Variants in SH3BGRL observed in about 807,000 individuals in gnomAD.
SH3BGRL encodes SH3 domain binding glutamate rich protein like.
SH3BGRL carries 7 observed loss-of-function variants against 9.8 expected under a neutral mutation model. That is an observed-to-expected ratio of 0.72 (90% CI 0.41 to 1.35). SH3BGRL has a LOEUF of 1.35. Among genes scored for constraint, SH3BGRL ranks in the 40% most tolerant of loss-of-function variants. The pLI is 0.01. For missense variants in SH3BGRL, 73 were observed against 84.4 expected, an observed-to-expected ratio of 0.86 and a Z score of 0.53; for synonymous variants, 36 against 29.1, an observed-to-expected ratio of 1.24 and a Z score of -0.76.
chrX:81,207,216 A>G (rs1784702067), intron 1 of SH3BGRL, among the ~76,000 whole-genome samples: 2 of 112,141 alleles, frequency 1.8e-5, no homozygotes, highest in Non-Finnish European at 3.8e-5. Flanking sequence ...CATGGCATCT[A>G]TGCATTCTAT....
At chrX:81,236,900 GGAGAGA>G (rs3051997) in intron 1 of SH3BGRL, among the ~76,000 whole-genome samples, 15 of 97,385 alleles carry the variant, frequency 1.5e-4, no homozygotes, top group African/African-American at 3.0e-4. Flanking sequence ...AGAGGCTGAG[GGAGAGA>G]GAGAGAGAGA....
intron 3 of SH3BGRL, among the ~76,000 whole-genome samples, chrX:81,292,251 G>A (rs766294881): frequency 1.9e-4 from 21 of 112,029 alleles, no homozygotes; most frequent in African/African-American, 6.8e-4. Flanking sequence ...AATCTAGGCC[G>A]TGACTCCCAA....
chrX:81,248,325 A>G (rs917287187), intron 1 of SH3BGRL, among the ~76,000 whole-genome samples: 4 of 112,078 alleles, frequency 3.6e-5, no homozygotes, highest in Non-Finnish European at 7.5e-5. Context: ...AGCTAGGTAT[A>G]TACTCGATTT....
At chrX:81,265,958 C>A (rs986502557) in intron 1 of SH3BGRL, among the ~76,000 whole-genome samples, 1 of 112,353 alleles carries the variant, frequency 8.9e-6, no homozygotes, top group Non-Finnish European at 1.9e-5. Context: ...TGATGATGAA[C>A]ATTTTTTCAT....
At chrX:81,275,993 T>C (rs1255574620) in intron 1 of SH3BGRL, among the ~76,000 whole-genome samples, 2 of 111,224 alleles carry the variant, frequency 1.8e-5, no homozygotes, top group African/African-American at 3.3e-5. Context: ...GGCAGACAGA[T>C]TTATTTTATT....
intron 1 of SH3BGRL, among the ~76,000 whole-genome samples, chrX:81,247,327 G>C (rs1187823952): frequency 9.0e-6 from 1 of 111,730 alleles, no homozygotes; most frequent in Admixed American, 9.5e-5. Flanking sequence ...CTCTGGCCAG[G>C]ACTTCCAGTA....
intron 1 of SH3BGRL, among the ~76,000 whole-genome samples, chrX:81,231,905 T>A (rs1344607703): frequency 2.7e-5 from 3 of 112,002 alleles, no homozygotes; most frequent in African/African-American, 9.7e-5. Flanking sequence ...TAGTAGATGC[T>A]GAATATATAT....
chrX:81,238,182 C>A (rs1239652892), intron 1 of SH3BGRL, among the ~76,000 whole-genome samples: 1 of 110,299 alleles, frequency 9.1e-6, no homozygotes, highest in Non-Finnish European at 1.9e-5. Context: ...GAGCATCAGG[C>A]AAGCTCTTGG....
intron 1 of SH3BGRL, among the ~76,000 whole-genome samples, chrX:81,215,910 T>C (rs1009508760): frequency 2.7e-5 from 3 of 111,840 alleles, no homozygotes; most frequent in African/African-American, 9.7e-5. Flanking sequence ...TAAAGCCAAA[T>C]GTTGCAGTCA....
At chrX:81,206,307 T>G (rs1422433423) in intron 1 of SH3BGRL, among the ~76,000 whole-genome samples, 1 of 111,799 alleles carries the variant, frequency 8.9e-6, no homozygotes, top group African/African-American at 3.3e-5. Flanking sequence ...GTAATGGACT[T>G]CTTGATGGTA....
intron 1 of SH3BGRL, among the ~76,000 whole-genome samples, chrX:81,245,333 C>T (rs2075684990): frequency 9.0e-6 from 1 of 111,669 alleles, no homozygotes; most frequent in African/African-American, 3.3e-5. Context: ...GACTCTGTTA[C>T]CTAGTAGCAA....
chrX:81,229,798 A>T (rs2075627569), intron 1 of SH3BGRL, among the ~76,000 whole-genome samples: 1 of 111,454 alleles, frequency 9.0e-6, no homozygotes, highest in Non-Finnish European at 1.9e-5. Context: ...TGGGCACAGG[A>T]TGGGGGCATG....
intron 1 of SH3BGRL, among the ~76,000 whole-genome samples, chrX:81,248,488 G>A (rs1446125358): frequency 8.9e-6 from 1 of 112,218 alleles, no homozygotes; most frequent in Non-Finnish European, 1.9e-5. Flanking sequence ...GACAGCTGCT[G>A]TAGCAGCTCT....
chrX:81,266,770 G>A (rs2075758451), intron 1 of SH3BGRL, among the ~76,000 whole-genome samples: 1 of 112,147 alleles, frequency 8.9e-6, no homozygotes, highest in Non-Finnish European at 1.9e-5. Flanking sequence ...GATGGGGATA[G>A]CATTGAATCT....
chrX:81,227,593 T>TA (rs1379004959), intron 1 of SH3BGRL, among the ~76,000 whole-genome samples: 1 of 112,091 alleles, frequency 8.9e-6, no homozygotes, highest in Non-Finnish European at 1.9e-5. Context: ...CTTATGTTTT[T>TA]ACATTTGCTT....
At chrX:81,251,702 C>T (rs1033238804) in intron 1 of SH3BGRL, among the ~76,000 whole-genome samples, 2 of 111,465 alleles carry the variant, frequency 1.8e-5, no homozygotes, top group Non-Finnish European at 3.8e-5. Flanking sequence ...TTTTAATGTC[C>T]CACTAAACTT....
chrX:81,246,906 G>A (rs981718316), intron 1 of SH3BGRL, among the ~76,000 whole-genome samples: 1 of 111,738 alleles, frequency 8.9e-6, no homozygotes, highest in Non-Finnish European at 1.9e-5. Context: ...TAGGCAGTGC[G>A]GTCATTTTAA....
rs747508589 is a variant in SH3BGRL, at chrX:81,235,937, C to T, written c.45+33692C>T. Among the ~76,000 whole-genome samples the T allele has an allele frequency of 4.5e-5, 5 of 111,803 alleles. No individual in the cohort carries two copies. In the East Asian group the frequency reaches 1.1e-3, roughly 25 times the overall value. ...CTAGCTGACAGCTACTTTTAATTTCCTGACCTCTCATCCACAATGTCTGGT... is the reference window on the plus strand; with the variant it reads ...CTAGCTGACAGCTACTTTTAATTTCTTGACCTCTCATCCACAATGTCTGGT... On this transcript the variant is annotated intron_variant, in intron 1 of 3. Coordinates refer to ENST00000373212, the MANE Select transcript of SH3BGRL (RefSeq NM_003022.3).
intron 3 of SH3BGRL, among the ~76,000 whole-genome samples, 182 bp downstream of exon 3, chrX:81,278,593 T>C (rs1206764443): frequency 8.9e-6 from 1 of 112,360 alleles, no homozygotes; most frequent in Non-Finnish European, 1.9e-5. Context: ...CATAACCAAA[T>C]GCATAAACTA....
Sources: gnomAD v4.1 joint callset for allele counts (sites outside exome capture counted in the v4.1 genomes callset) on GRCh38, gnomAD v4.1.1 for gene constraint, MANE v1.5 for transcripts, NCBI Gene and HGNC (gene_info 2026-07-23, HGNC 2026-07-21) for gene names.